Variants in BLTP3B observed in about 807,000 individuals in gnomAD.
BLTP3B encodes bridge-like lipid transfer protein family member 3B.
At chr12:100,047,518 T>C in the BLTP3B span, 1 of 1,578,610 alleles carries the variant, frequency 6.3e-7, no homozygotes, top group Non-Finnish European at 8.7e-7. Context: ...ACAAATAGTT[T>C]TTCATATATA....
the BLTP3B span, chr12:100,128,439 G>C: frequency 1.7e-6 from 1 of 586,158 alleles, no homozygotes; most frequent in Non-Finnish European, 2.3e-6. Context: ...TGAGCCTCTA[G>C]CTACATAGTA....
At chr12:100,050,289 A>G in the BLTP3B span, 4 of 1,607,510 alleles carry the variant, frequency 2.5e-6, no homozygotes, top group Admixed American at 6.9e-5. Context: ...CCCCATTAAC[A>G]CCAGTAATTT....
the BLTP3B span, among the ~76,000 whole-genome samples, chr12:100,073,818 G>A: frequency 3.1e-4 from 47 of 152,114 alleles, 1 homozygote; most frequent in African/African-American, 1.0e-3. Flanking sequence ...AAAATCCAAC[G>A]TCCCTTCACA....
At chr12:100,111,573 C>T in the BLTP3B span, among the ~76,000 whole-genome samples, 1 of 151,888 alleles carries the variant, frequency 6.6e-6, no homozygotes, top group African/African-American at 2.4e-5. Context: ...GCACATGCCA[C>T]CATGCTCAGC....
chr12:100,090,434 T>C, the BLTP3B span, among the ~76,000 whole-genome samples: 1 of 152,142 alleles, frequency 6.6e-6, no homozygotes, highest in Non-Finnish European at 1.5e-5. Context: ...CACAAAACTG[T>C]AGATGAATTT....
At chr12:100,084,429 GTGC>G in the BLTP3B span, 1 of 1,391,632 alleles carries the variant, frequency 7.2e-7, no homozygotes, top group Non-Finnish European at 1.0e-6. Context: ...CACACACAGA[GTGC>G]AAACACTCTT....
chr12:100,073,618 C>A, the BLTP3B span, among the ~76,000 whole-genome samples: 46 of 151,696 alleles, frequency 3.0e-4, no homozygotes, highest in Admixed American at 1.8e-3. Flanking sequence ...TTCAGTCATA[C>A]CTTACCACAA....
the BLTP3B span, among the ~76,000 whole-genome samples, chr12:100,063,306 C>G: frequency 6.6e-6 from 1 of 152,134 alleles, no homozygotes; most frequent in African/African-American, 2.4e-5. Flanking sequence ...GTGCAGACAA[C>G]CCCCAGTACC....
chr12:100,109,305 A>C, the BLTP3B span, among the ~76,000 whole-genome samples: 1 of 151,866 alleles, frequency 6.6e-6, no homozygotes, highest in African/African-American at 2.4e-5. Context: ...CAGAAGTGTA[A>C]GCCAATTAAA....
At chr12:100,130,717 A>C in the BLTP3B span, among the ~76,000 whole-genome samples, 28 of 152,128 alleles carry the variant, frequency 1.8e-4, no homozygotes, top group African/African-American at 6.7e-4. Flanking sequence ...GGAGTTTGAG[A>C]CCAGCCTGGT....
At chr12:100,083,011 C>T in the BLTP3B span, 2 of 1,603,536 alleles carry the variant, frequency 1.2e-6, no homozygotes, top group Non-Finnish European at 1.7e-6. Flanking sequence ...GAAAAGAAAA[C>T]ATACCTGGTA....
At chr12:100,072,511 A>C in the BLTP3B span, among the ~76,000 whole-genome samples, 1 of 152,244 alleles carries the variant, frequency 6.6e-6, no homozygotes, top group Non-Finnish European at 1.5e-5. Flanking sequence ...GTTTGAGATC[A>C]GCCTGGGCAA....
chr12:100,096,630 A>T, the BLTP3B span, among the ~76,000 whole-genome samples: 1 of 151,850 alleles, frequency 6.6e-6, no homozygotes, highest in East Asian at 1.9e-4. Flanking sequence ...ACCAGCCTGG[A>T]CAACAAAGCG....
the BLTP3B span, chr12:100,098,504 A>G: frequency 6.2e-7 from 1 of 1,613,356 alleles, no homozygotes; most frequent in Non-Finnish European, 8.5e-7. Context: ...ACAGAAACAG[A>G]AATTCCCTCA....
the BLTP3B span, among the ~76,000 whole-genome samples, chr12:100,094,259 C>G: frequency 2.0e-5 from 3 of 152,126 alleles, no homozygotes; most frequent in Non-Finnish European, 4.4e-5. Context: ...GTATATGCCA[C>G]CACCACCACA....
At chr12:100,054,899 A>C in the BLTP3B span, among the ~76,000 whole-genome samples, 8 of 152,196 alleles carry the variant, frequency 5.3e-5, no homozygotes, top group Admixed American at 5.2e-4. Context: ...TAGTTTCTAA[A>C]TCTATAGAAA....
the BLTP3B span, chr12:100,050,392 C>T: frequency 1.5e-6 from 2 of 1,323,134 alleles, no homozygotes; most frequent in Non-Finnish European, 2.0e-6. Context: ...ATATAGGAAA[C>T]TACCATTACC....
At chr12:100,077,729 A>G in the BLTP3B span, among the ~76,000 whole-genome samples, 1 of 152,226 alleles carries the variant, frequency 6.6e-6, no homozygotes, top group Non-Finnish European at 1.5e-5. Context: ...AACCAGAACA[A>G]TTTATAAATG....
chr12:100,067,523 G>T, the BLTP3B span, among the ~76,000 whole-genome samples: 1 of 152,072 alleles, frequency 6.6e-6, no homozygotes, highest in African/African-American at 2.4e-5. Context: ...TGACACCACA[G>T]AAATACAAAA....
Sources: gnomAD v4.1 joint callset for allele counts (sites outside exome capture counted in the v4.1 genomes callset) on GRCh38, gnomAD v4.1.1 for gene constraint, MANE v1.5 for transcripts, NCBI Gene and HGNC (gene_info 2026-07-23, HGNC 2026-07-21) for gene names.